PCDHGA6: variants seen among roughly 807,000 people sequenced by gnomAD.
The protein encoded by PCDHGA6 is protocadherin gamma-A6.
PCDHGA6 carries 41 observed loss-of-function variants against 60.6 expected under a neutral mutation model. The observed-to-expected ratio is 0.68, with a 90% CI of 0.53 to 0.88. The LOEUF (loss-of-function observed/expected upper bound fraction) is 0.88, where lower values mean the gene tolerates loss of function less well. Among genes scored for constraint, PCDHGA6 ranks in the 40% least tolerant of loss-of-function variants. The pLI is 0.00. For synonymous variants in PCDHGA6, 594 were observed against 524.4 expected (o/e 1.13, Z -1.81); for missense variants, 1,312 against 1,203.0 (o/e 1.09, Z -1.34).
intron 1 of PCDHGA6, chr5:141,420,181 T>C (rs1590216182): frequency 6.2e-7 from 1 of 1,613,998 alleles, no homozygotes; most frequent in Non-Finnish European, 8.5e-7. Context: ...TTGATCATTG[T>C]CCAGCCACAC....
At chr5:141,481,838 T>G (rs1297962011) in intron 1 of PCDHGA6, among the ~76,000 whole-genome samples, 2 of 150,868 alleles carry the variant, frequency 1.3e-5, no homozygotes, top group African/African-American at 4.9e-5. Flanking sequence ...GGAGAATCGC[T>G]TGATGGTGGA....
chr5:141,484,897 A>G (rs2099602925), intron 1 of PCDHGA6: 2 of 392,698 alleles, frequency 5.1e-6, no homozygotes, highest in Middle Eastern at 7.1e-4. Flanking sequence ...TTTCCCCTCC[A>G]ATGCTGCGAC....
chr5:141,407,618 T>C (rs2094961239), intron 1 of PCDHGA6, among the ~76,000 whole-genome samples: 1 of 152,204 alleles, frequency 6.6e-6, no homozygotes, highest in South Asian at 2.1e-4. Context: ...TTGGTTGACA[T>C]TCTATATCTC....
intron 1 of PCDHGA6, chr5:141,424,411 C>T (rs1259102577): frequency 6.6e-6 from 1 of 152,154 alleles, no homozygotes; most frequent in Admixed American, 6.5e-5. Flanking sequence ...GGTGAAGTTA[C>T]ATTGACTGTT....
chr5:141,441,036 A>G (rs2098219746), intron 1 of PCDHGA6: 1 of 152,216 alleles, frequency 6.6e-6, no homozygotes, highest in South Asian at 2.1e-4. Context: ...TGAAAACTTT[A>G]AGTACATTGG....
intron 1 of PCDHGA6, chr5:141,413,818 G>T: frequency 6.2e-7 from 1 of 1,613,138 alleles, no homozygotes; most frequent in Non-Finnish European, 8.5e-7. Context: ...TCACCACCTG[G>T]TCCTCACCGC....
intron 2 of PCDHGA6, among the ~76,000 whole-genome samples, chr5:141,501,286 C>T (rs2099806802): frequency 8.9e-6 from 1 of 112,422 alleles, no homozygotes; most frequent in African/African-American, 3.5e-5. Context: ...GGGATATTCC[C>T]TTATACACAC....
intron 1 of PCDHGA6, chr5:141,419,095 G>A (rs1478382101): frequency 1.2e-6 from 2 of 1,613,816 alleles, no homozygotes; most frequent in African/African-American, 2.7e-5. Context: ...CCCTGGATCG[G>A]GAGCAGACCC....
chr5:141,409,251 CTT>C (rs771889477), intron 1 of PCDHGA6: 78 of 1,613,922 alleles, frequency 4.8e-5, no homozygotes, highest in Non-Finnish European at 6.2e-5. Context: ...ATAATCATCA[CTT>C]CTCTCTCTGA....
intron 1 of PCDHGA6, chr5:141,383,331 G>T: frequency 1.2e-6 from 2 of 1,613,992 alleles, no homozygotes; most frequent in Non-Finnish European, 1.7e-6. Context: ...AAATAATGGA[G>T]AATACAGCTC....
intron 2 of PCDHGA6, among the ~76,000 whole-genome samples, chr5:141,503,685 G>A (rs1171934407): frequency 2.6e-5 from 4 of 151,882 alleles, no homozygotes; most frequent in African/African-American, 9.7e-5. Context: ...TTGGGAAGGA[G>A]AATTGAGATT....
chr5:141,478,414 C>T, intron 1 of PCDHGA6: 1 of 1,613,630 alleles, frequency 6.2e-7, no homozygotes, highest in Non-Finnish European at 8.5e-7. Context: ...CCACGGACTC[C>T]CGCCGCAGCG....
intron 1 of PCDHGA6, among the ~76,000 whole-genome samples, chr5:141,484,184 AG>A (rs1328674334): frequency 6.6e-6 from 1 of 152,244 alleles, no homozygotes; most frequent in Non-Finnish European, 1.5e-5. Flanking sequence ...CAATCATTCA[AG>A]GAAGCTATTA....
intron 1 of PCDHGA6, chr5:141,478,782 T>C: frequency 6.7e-7 from 1 of 1,485,212 alleles, no homozygotes. Context: ...GTGGACCTAA[T>C]TCACATCCTC....
chr5:141,430,234 A>G (rs2097268213), intron 1 of PCDHGA6, among the ~76,000 whole-genome samples: 1 of 130,034 alleles, frequency 7.7e-6, no homozygotes, highest in South Asian at 2.4e-4. Flanking sequence ...TGTCAAAAAG[A>G]GAAACTCCTA....
intron 1 of PCDHGA6, chr5:141,419,781 G>T: frequency 6.2e-7 from 1 of 1,614,032 alleles, no homozygotes; most frequent in Non-Finnish European, 8.5e-7. Context: ...GTCCGCCAGC[G>T]CCTGCTAGTC....
chr5:141,419,926 G>A lies in PCDHGA6; in HGVS notation c.2424+43419G>A. 3 of 1,614,096 alleles carry A rather than the reference G, an allele frequency of 1.9e-6. No homozygotes were observed. In the South Asian group the frequency reaches 3.3e-5, roughly 18 times the overall value. On this transcript the variant is annotated intron_variant, in intron 1 of 3. Transcript: ENST00000517434. ...CCTCTGACTCCCAGGCTGAGATGCA[G>A]TTTTACCTGGTGGTGGCCTTGGCCT... is the stretch of plus-strand genomic sequence containing the variant.
At chr5:141,467,114 G>A (rs971182917) in intron 1 of PCDHGA6, among the ~76,000 whole-genome samples, 5 of 149,522 alleles carry the variant, frequency 3.3e-5, no homozygotes, top group South Asian at 2.1e-4. Context: ...GTACAATGGT[G>A]CAATCTCAGC....
intron 1 of PCDHGA6, among the ~76,000 whole-genome samples, chr5:141,481,555 C>T (rs1013876865): frequency 3.3e-5 from 5 of 152,164 alleles, no homozygotes; most frequent in South Asian, 2.1e-4. Flanking sequence ...CAGTGGCTCA[C>T]GCCTGTAATC....
Sources: allele counts gnomAD v4.1 joint callset (sites outside exome capture counted in the v4.1 genomes callset), GRCh38; gene constraint gnomAD v4.1.1; transcripts MANE v1.5; gene names NCBI Gene and HGNC (gene_info 2026-07-23, HGNC 2026-07-21).